Variants in COA1 observed in about 807,000 individuals in gnomAD.
The protein encoded by COA1 is cytochrome c oxidase assembly factor 1.
A neutral mutation model predicts 16.0 loss-of-function variants in COA1; 13 were observed. The ratio of observed to expected loss-of-function variants is 0.81; its 90% CI spans 0.53 to 1.29. The LOEUF is 1.29. Ranked by LOEUF, COA1 falls within the 50% of genes most tolerant of loss-of-function variation. COA1 has a pLI of 0.00. For synonymous variants in COA1, 65 were observed against 65.7 expected (o/e 0.99, Z 0.05); for missense variants, 179 against 177.0 (o/e 1.01, Z -0.06).
At chr7:43,672,213 G>C (rs2093303149) in intron 1 of COA1, among the ~76,000 whole-genome samples, 1 of 152,076 alleles carries the variant, frequency 6.6e-6, no homozygotes, top group African/African-American at 2.4e-5. Context: ...ATCTGGCAGA[G>C]ACACAGTAAG....
chr7:43,674,168 A>T (rs2093405584), intron 1 of COA1, among the ~76,000 whole-genome samples: 2 of 152,214 alleles, frequency 1.3e-5, no homozygotes, highest in African/African-American at 4.8e-5. Context: ...CAAAAAAGGG[A>T]GTTTACAAAT....
chr7:43,637,406 A>C (rs1032388243), downstream of COA1, among the ~76,000 whole-genome samples: 1 of 152,116 alleles, frequency 6.6e-6, no homozygotes, highest in African/African-American at 2.4e-5. Flanking sequence ...CAGTTTGTAT[A>C]ATTCTAGGAA....
chr7:43,645,510 A>T, intron 3 of COA1, 111 bp from the exon 4 acceptor site: 5 of 967,804 alleles, frequency 5.2e-6, no homozygotes, highest in Non-Finnish European at 7.9e-6. Flanking sequence ...AGAAACGTGA[A>T]ATCTGTGGAT....
intron 6 of COA1, among the ~76,000 whole-genome samples, chr7:43,621,627 C>T (rs745936835): frequency 4.6e-5 from 7 of 152,068 alleles, no homozygotes; most frequent in Admixed American, 1.3e-4. Flanking sequence ...GCCAGCACAG[C>T]GGGCCAGTTT....
chr7:43,627,760 CATGAAAT>C (rs1371858114), intron 6 of COA1, among the ~76,000 whole-genome samples: 1 of 152,146 alleles, frequency 6.6e-6, no homozygotes, highest in Non-Finnish European at 1.5e-5. Flanking sequence ...ATTTACATAT[CATGAAAT>C]GTACAGATCT....
At chr7:43,666,830 T>G (rs185410742) in intron 1 of COA1, among the ~76,000 whole-genome samples, 1 of 152,256 alleles carries the variant, frequency 6.6e-6, no homozygotes, top group Admixed American at 6.5e-5. Context: ...CTAACCAGAT[T>G]TTTCACCAAA....
chr7:43,686,640 C>T (rs752040340), intron 1 of COA1, among the ~76,000 whole-genome samples: 4 of 152,102 alleles, frequency 2.6e-5, no homozygotes, highest in African/African-American at 4.8e-5. Flanking sequence ...AGGTGGGGAG[C>T]GGAATGTGAC....
intron 1 of COA1, among the ~76,000 whole-genome samples, chr7:43,693,134 C>G (rs114625115): frequency 2.2e-4 from 33 of 152,244 alleles, no homozygotes; most frequent in African/African-American, 7.9e-4. Flanking sequence ...CCACAGCTGT[C>G]TTCTCTCTTA....
chr7:43,665,414 A>G (rs2092814470), intron 1 of COA1, among the ~76,000 whole-genome samples: 1 of 152,204 alleles, frequency 6.6e-6, no homozygotes, highest in African/African-American at 2.4e-5. Context: ...AGAAAATACA[A>G]TGGCTTCTTC....
intron 6 of COA1, among the ~76,000 whole-genome samples, chr7:43,634,251 A>C (rs1370734222): frequency 1.3e-5 from 2 of 152,148 alleles, no homozygotes; most frequent in Non-Finnish European, 2.9e-5. Context: ...GCATAAGAGC[A>C]TGGCTTTCTG....
chr7:43,623,848 G>C, intron 6 of COA1: 1 of 1,592,962 alleles, frequency 6.3e-7, no homozygotes, highest in Non-Finnish European at 8.5e-7. Flanking sequence ...GTCTGAGTCG[G>C]CTGTTGATTT....
At chr7:43,624,321 A>G (rs2084253403) in intron 6 of COA1, among the ~76,000 whole-genome samples, 1 of 152,208 alleles carries the variant, frequency 6.6e-6, no homozygotes, top group Non-Finnish European at 1.5e-5. Flanking sequence ...AAATATTTCA[A>G]CATTTTCACA....
At chr7:43,619,568 G>T in intron 6 of COA1, 1 of 1,607,312 alleles carries the variant, frequency 6.2e-7, no homozygotes, top group South Asian at 1.1e-5. Context: ...TAGTTATATT[G>T]ATTTTTGCGG....
intron 1 of COA1, among the ~76,000 whole-genome samples, chr7:43,716,105 T>C (rs767782082): frequency 7.2e-5 from 11 of 152,302 alleles, no homozygotes; most frequent in Non-Finnish European, 1.6e-4. Context: ...CAGGTATGTC[T>C]TTATCAACAG....
chr7:43,680,238 C>A (rs1471166845), intron 1 of COA1, among the ~76,000 whole-genome samples: 1 of 146,260 alleles, frequency 6.8e-6, no homozygotes, highest in African/African-American at 2.5e-5. Flanking sequence ...GCCATTTCAC[C>A]AGCACACACT....
At chr7:43,700,259 T>C (rs890324702) in intron 1 of COA1, among the ~76,000 whole-genome samples, 1 of 148,548 alleles carries the variant, frequency 6.7e-6, no homozygotes, top group South Asian at 2.1e-4. Context: ...TCGGTACAAA[T>C]TAATGCTTTT....
At chr7:43,649,622 G>A (rs1235306868) in intron 1 of COA1, 1 of 152,156 alleles carries the variant, frequency 6.6e-6, no homozygotes, top group Non-Finnish European at 1.5e-5. Context: ...GGTCCTGAGG[G>A]GAATACAGAC....
Position 43,647,629 on chromosome 7 carries a change from T to C in COA1, c.21A>G (p.Ala7=). 1 of 1,610,190 alleles carries C rather than the reference T, an allele frequency of 6.2e-7. No individual in the cohort carries two copies. Among genetic ancestry groups the C allele is most frequent in the South Asian group, 1.1e-5 (1 of 90,744 alleles). Residue 7 remains alanine (A), a synonymous_variant, in exon 3 of 6, where the codon GCA becomes GCG. Transcript: ENST00000223336. ...CCAGAGGCATTGACCGCCTGCTTCC[T>C]GCATACTTAAAAACAAAAGATACAA... is the stretch of plus-strand genomic sequence containing the variant. MMWQKY[A]GSRRSMPLGA...
chr7:43,690,430 T>C lies in COA1; in HGVS notation c.-39+38999A>G, dbSNP rs531404855. Among the ~76,000 whole-genome samples, 12 of 151,204 alleles carry C rather than the reference T, an allele frequency of 7.9e-5. No individual in the cohort carries two copies. In the South Asian group the frequency reaches 2.3e-3, roughly 29 times the overall value. On this transcript the variant is annotated intron_variant, in intron 1 of 5. Transcript: ENST00000223336. ...ATGTATGTACAGACACACATATATA[T>C]ACACACACACACATATATACACACA... is the stretch of plus-strand genomic sequence containing the variant.
Sources: allele counts gnomAD v4.1 joint callset (sites outside exome capture counted in the v4.1 genomes callset), GRCh38; gene constraint gnomAD v4.1.1; transcripts MANE v1.5; gene names NCBI Gene and HGNC (gene_info 2026-07-23, HGNC 2026-07-21).